Variants in LINGO2 observed in about 807,000 individuals in gnomAD.
LINGO2 encodes leucine-rich repeat and immunoglobulin-like domain-containing nogo receptor-interacting protein 2.
In LINGO2, 14 loss-of-function variants were observed where a neutral mutation model predicts 30.6. The observed-to-expected ratio is 0.46, with a 90% CI of 0.30 to 0.72. The LOEUF is 0.72. Among genes scored for constraint, LINGO2 ranks in the 30% least tolerant of loss-of-function variants. The pLI, the probability that LINGO2 is intolerant of heterozygous loss-of-function variation, is 0.07. For synonymous variants in LINGO2, 317 were observed against 288.5 expected (o/e 1.10, Z -1.00); for missense variants, 729 against 751.7 (o/e 0.97, Z 0.35).
intron 1 of LINGO2, among the ~76,000 whole-genome samples, chr9:28,544,038 A>C (rs556346867): frequency 2.6e-5 from 4 of 152,064 alleles, no homozygotes; most frequent in African/African-American, 4.8e-5. Context: ...AACCCTGTCT[A>C]CTAAAAATAC....
At chr9:29,189,044 G>A in the LINGO2 span, among the ~76,000 whole-genome samples, 3 of 111,872 alleles carry the variant, frequency 2.7e-5, no homozygotes, top group African/African-American at 3.1e-5. Context: ...CGGGGCGGCT[G>A]GCCGGGCGGG....
At chr9:28,110,195 C>A (rs1278540176) in intron 4 of LINGO2, among the ~76,000 whole-genome samples, 1 of 152,082 alleles carries the variant, frequency 6.6e-6, no homozygotes, top group East Asian at 1.9e-4. Context: ...TAGCCATATG[C>A]AGAAAACTGA....
At chr9:28,831,279 T>A in the LINGO2 span, among the ~76,000 whole-genome samples, 3 of 152,192 alleles carry the variant, frequency 2.0e-5, no homozygotes. Context: ...CAAGAAAAAT[T>A]AAACGTACAA....
chr9:28,541,685 G>A (rs746603071), intron 1 of LINGO2, among the ~76,000 whole-genome samples: 1 of 152,050 alleles, frequency 6.6e-6, no homozygotes, highest in Admixed American at 6.6e-5. Context: ...TGACAAATAT[G>A]CTTATTAAAA....
chr9:28,952,776 T>C, the LINGO2 span, among the ~76,000 whole-genome samples: 2 of 152,080 alleles, frequency 1.3e-5, no homozygotes, highest in Non-Finnish European at 2.9e-5. Context: ...CAGAGATAAG[T>C]AGAAGTGCCA....
At chr9:28,844,459 G>T in the LINGO2 span, among the ~76,000 whole-genome samples, 17 of 151,998 alleles carry the variant, frequency 1.1e-4, no homozygotes, top group African/African-American at 4.1e-4. Context: ...TGACTGAGGA[G>T]TGTTTTTTAA....
At chr9:28,264,064 T>TA (rs35902909) in intron 4 of LINGO2, among the ~76,000 whole-genome samples, 6 of 150,990 alleles carry the variant, frequency 4.0e-5, no homozygotes, top group Non-Finnish European at 5.9e-5. Context: ...TGCTGTGAAG[T>TA]AAAAAAAAAG....
intron 1 of LINGO2, among the ~76,000 whole-genome samples, chr9:28,554,488 G>C (rs941695142): frequency 5.4e-5 from 8 of 147,720 alleles, no homozygotes; most frequent in African/African-American, 1.8e-4. Flanking sequence ...GGAGCACCCA[G>C]ACTCATAAAG....
chr9:28,848,222 G>GTATATATATACTATATATA, the LINGO2 span, among the ~76,000 whole-genome samples: 1 of 73,236 alleles, frequency 1.4e-5, no homozygotes, highest in Non-Finnish European at 2.2e-5. Context: ...CTATATATAC[G>GTATATATATACTATATATA]CATAGTGTAT....
At chr9:29,082,002 C>T in the LINGO2 span, among the ~76,000 whole-genome samples, 2 of 152,102 alleles carry the variant, frequency 1.3e-5, no homozygotes, top group South Asian at 2.1e-4. Flanking sequence ...GGCCATGCTG[C>T]CCAAGGTAAT....
chr9:28,769,514 ATATATTTTTTTTTTTTTT>A, the LINGO2 span, among the ~76,000 whole-genome samples: 2 of 2,014 alleles, frequency 9.9e-4, no homozygotes, highest in African/African-American at 1.4e-3. Flanking sequence ...ATATATATAT[ATATATTTTTTTTTTTTTT>A]TTTTTTTTTT....
the LINGO2 span, among the ~76,000 whole-genome samples, chr9:28,769,967 C>A: frequency 2.0e-5 from 3 of 152,062 alleles, no homozygotes; most frequent in African/African-American, 4.8e-5. Context: ...AAAGTTCTCT[C>A]TTCTGTTGTT....
intron 1 of LINGO2, among the ~76,000 whole-genome samples, chr9:28,499,079 C>A (rs1819781521): frequency 6.6e-6 from 1 of 152,086 alleles, no homozygotes; most frequent in Admixed American, 6.6e-5. Flanking sequence ...ATTCATTTAT[C>A]CACACTCTGA....
the LINGO2 span, among the ~76,000 whole-genome samples, chr9:29,205,935 T>C: frequency 2.6e-5 from 4 of 152,212 alleles, no homozygotes; most frequent in African/African-American, 9.6e-5. Flanking sequence ...TACTTTTAAA[T>C]TCCATAGATA....
intron 2 of LINGO2, among the ~76,000 whole-genome samples, chr9:28,373,622 G>A (rs1819458): frequency 0.51 from 77,070 of 151,930 alleles, 20,951 homozygotes; most frequent in Non-Finnish European, 0.59. Flanking sequence ...GATTCAGGCC[G>A]GGCGCAGTGG....
chr9:28,865,923 T>A, the LINGO2 span, among the ~76,000 whole-genome samples: 5 of 152,152 alleles, frequency 3.3e-5, no homozygotes, highest in African/African-American at 1.2e-4. Context: ...CCAGGGTGTG[T>A]TTTTACAATA....
intron 4 of LINGO2, among the ~76,000 whole-genome samples, chr9:28,260,777 C>A (rs914032973): frequency 1.3e-5 from 2 of 151,900 alleles, no homozygotes; most frequent in African/African-American, 2.4e-5. Flanking sequence ...ATAAATAATG[C>A]CTTACCTTAG....
rs1825637501 is a variant in LINGO2 at position 28,337,788 on chromosome 9, A to G, written c.-246+35048T>C. Among the ~76,000 whole-genome samples, 11 of 152,234 alleles carry G rather than the reference A, an allele frequency of 7.2e-5. 1 individual carries two copies. The South Asian group carries it at 2.3e-3, about 32-fold the overall frequency. On this transcript the variant is annotated intron_variant, in intron 3 of 5. Coordinates refer to ENST00000379992, the Ensembl canonical transcript of LINGO2. ...GCCTATGGGTGCACAGAGGTCAAGA[A>G]TTGAGGTTTGGGAACATCCACCTAG...
chr9:28,235,798 A>C (rs1821541241), intron 4 of LINGO2, among the ~76,000 whole-genome samples: 1 of 152,184 alleles, frequency 6.6e-6, no homozygotes, highest in South Asian at 2.1e-4. Context: ...CAGAGGAGAC[A>C]AAAAAAGTCA....
Sources: gnomAD v4.1 joint callset for allele counts (sites outside exome capture counted in the v4.1 genomes callset) on GRCh38, gnomAD v4.1.1 for gene constraint, MANE v1.5 for transcripts, NCBI Gene and HGNC (gene_info 2026-07-23, HGNC 2026-07-21) for gene names.